Variants in NAV2 observed in about 807,000 individuals in gnomAD.
NAV2 encodes helicase, APC down-regulated 1.
A neutral mutation model predicts 223.2 loss-of-function variants in NAV2; 54 were observed. That is an observed-to-expected ratio of 0.24 (90% CI 0.19 to 0.30). The LOEUF (loss-of-function observed/expected upper bound fraction) is 0.30, where lower values mean the gene tolerates loss of function less well. Ranked by LOEUF, NAV2 falls within the 10% of genes least tolerant of loss-of-function variation. The pLI, the probability that NAV2 is intolerant of heterozygous loss-of-function variation, is 1.00. For missense variants in NAV2, 2,806 were observed against 3,147.5 expected (o/e 0.89, Z 2.60); for synonymous variants, 1,279 against 1,239.3 (o/e 1.03, Z -0.67).
At chr11:19,604,447 G>C (rs2135272997) in intron 1 of NAV2, among the ~76,000 whole-genome samples, 1 of 152,288 alleles carries the variant, frequency 6.6e-6, no homozygotes, top group East Asian at 1.9e-4. Context: ...CCGAGCAACA[G>C]GAAGGATGGA....
intron 1 of NAV2, among the ~76,000 whole-genome samples, chr11:19,782,153 G>A (rs1351597778): frequency 6.6e-6 from 1 of 152,084 alleles, no homozygotes. Context: ...AAATCTCAAG[G>A]GCAAGAAGTT....
At chr11:19,653,238 C>A (rs538932068) in intron 1 of NAV2, among the ~76,000 whole-genome samples, 25 of 152,242 alleles carry the variant, frequency 1.6e-4, no homozygotes, top group African/African-American at 5.3e-4. Context: ...TGATGGATGG[C>A]GGTGAAACAT....
At chr11:19,743,706 C>G (rs2053069133) in intron 1 of NAV2, among the ~76,000 whole-genome samples, 1 of 152,256 alleles carries the variant, frequency 6.6e-6, no homozygotes, top group South Asian at 2.1e-4. Flanking sequence ...GGTATCTGGA[C>G]CTGGACACAA....
At chr11:19,569,271 G>C (rs1470100368) in intron 1 of NAV2, among the ~76,000 whole-genome samples, 1 of 152,164 alleles carries the variant, frequency 6.6e-6, no homozygotes, top group African/African-American at 2.4e-5. Context: ...CCTTGTCAAT[G>C]CATTAATGTC....
intron 11 of NAV2, among the ~76,000 whole-genome samples, chr11:20,011,988 G>A (rs1432345938): frequency 6.6e-6 from 1 of 152,250 alleles, no homozygotes; most frequent in Non-Finnish European, 1.5e-5. Flanking sequence ...ATTTGTGTGT[G>A]CAGATGATGC....
At chr11:20,041,041 T>A (rs2056871799) in intron 12 of NAV2, among the ~76,000 whole-genome samples, 1 of 152,122 alleles carries the variant, frequency 6.6e-6, no homozygotes, top group Non-Finnish European at 1.5e-5. Flanking sequence ...ATGTGCGCTG[T>A]CTCTGCCACT....
intron 10 of NAV2, among the ~76,000 whole-genome samples, chr11:19,963,597 A>G (rs566011091): frequency 6.6e-6 from 1 of 152,354 alleles, no homozygotes; most frequent in South Asian, 2.1e-4. Flanking sequence ...ACTGAAAAAA[A>G]TAGCTGGAGA....
chr11:19,785,122 G>A (rs183958505), intron 1 of NAV2, among the ~76,000 whole-genome samples: 1 of 152,298 alleles, frequency 6.6e-6, no homozygotes, highest in East Asian at 1.9e-4. Context: ...TTCATGCTGG[G>A]GCAGCCACAG....
At chr11:19,831,226 G>GGGGT (rs2059915608) in intron 1 of NAV2, among the ~76,000 whole-genome samples, 1 of 83,248 alleles carries the variant, frequency 1.2e-5, no homozygotes, top group African/African-American at 4.7e-5. Context: ...AGTGTTGCGG[G>GGGGT]GGGGGGGGGG....
chr11:19,643,652 C>T (rs143807401), intron 1 of NAV2, among the ~76,000 whole-genome samples: 2,378 of 152,158 alleles, frequency 0.016, 68 homozygotes, highest in African/African-American at 0.053. Context: ...TATAGCAGCA[C>T]GTTTTATAAT....
chr11:19,421,061 A>G (rs1283225774), intron 1 of NAV2, among the ~76,000 whole-genome samples: 2 of 152,098 alleles, frequency 1.3e-5, no homozygotes, highest in Non-Finnish European at 2.9e-5. Context: ...CTAGCCTTGT[A>G]CTGTGGGACG....
intron 22 of NAV2, among the ~76,000 whole-genome samples, chr11:20,075,548 A>G (rs1413066949): frequency 2.0e-5 from 3 of 151,998 alleles, no homozygotes; most frequent in African/African-American, 7.2e-5. Context: ...GCCTGTCTCC[A>G]TTTTTAATAG....
chr11:19,519,126 G>T (rs1284289787), intron 1 of NAV2, among the ~76,000 whole-genome samples: 3 of 152,140 alleles, frequency 2.0e-5, no homozygotes, highest in African/African-American at 7.3e-5. Flanking sequence ...GCAGCCTGAA[G>T]TAAGCAATAT....
chr11:19,674,727 C>A (rs546998675), intron 1 of NAV2, among the ~76,000 whole-genome samples: 16 of 152,328 alleles, frequency 1.1e-4, no homozygotes, highest in African/African-American at 3.8e-4. Context: ...CCTCAGCCTC[C>A]ACCCACAAGA....
At chr11:19,606,126 G>A (rs777252486) in intron 1 of NAV2, among the ~76,000 whole-genome samples, 4 of 152,346 alleles carry the variant, frequency 2.6e-5, no homozygotes, top group Non-Finnish European at 5.9e-5. Context: ...GGGAGAGCTT[G>A]CTTTATTGCA....
At chr11:20,031,133 A>G (rs890197595) in intron 11 of NAV2, among the ~76,000 whole-genome samples, 4 of 152,184 alleles carry the variant, frequency 2.6e-5, no homozygotes, top group African/African-American at 9.7e-5. Flanking sequence ...TCCAGGAATG[A>G]TGGTTCCAGA....
At chr11:19,732,511 T>A (rs1231455797) in intron 1 of NAV2, among the ~76,000 whole-genome samples, 1 of 152,204 alleles carries the variant, frequency 6.6e-6, no homozygotes, top group East Asian at 1.9e-4. Context: ...TTGAGTAGCA[T>A]AACAACCTTG....
rs527581877 is a variant in NAV2 at position 19,735,198 on chromosome 11, G to A, written c.267+21236G>A. 3.5e-4 allele frequency among the ~76,000 whole-genome samples: 53 copies of A among 152,276 alleles called. 1 individual carries two copies. The highest frequency in any genetic ancestry group is 1.2e-3 in the African/African-American group (51 of 41,554). On this transcript the variant is annotated intron_variant, in intron 1 of 37. Coordinates refer to ENST00000349880, the MANE Select transcript of NAV2 (RefSeq NM_145117.5). ...TGTGAACAACTCCAGAAGACATAAA[G>A]CTTCTCCATGGGCTTTGGGTGAAGC...
chr11:19,645,699 G>T (rs1396563064), intron 1 of NAV2, among the ~76,000 whole-genome samples: 1 of 152,060 alleles, frequency 6.6e-6, no homozygotes, highest in Non-Finnish European at 1.5e-5. Context: ...TGATTCAAAA[G>T]CATGTCTCAT....
Sources: gnomAD v4.1 joint callset for allele counts (sites outside exome capture counted in the v4.1 genomes callset) on GRCh38, gnomAD v4.1.1 for gene constraint, MANE v1.5 for transcripts, NCBI Gene and HGNC (gene_info 2026-07-23, HGNC 2026-07-21) for gene names.